Variants in FBXL17 observed in about 807,000 individuals in gnomAD.
The protein encoded by FBXL17 is F-box and leucine rich repeat protein 17.
FBXL17 carries 22 observed loss-of-function variants against 66.2 expected under a neutral mutation model. That is an observed-to-expected ratio of 0.33 (90% confidence interval 0.24 to 0.47). FBXL17 has a LOEUF of 0.47. Ranked by LOEUF, FBXL17 falls within the 20% of genes least tolerant of loss-of-function variation. The probability of loss-of-function intolerance (pLI) is 1.00; values close to 1 mark genes in which losing one functional copy is unlikely to be tolerated. For synonymous variants in FBXL17, 474 were observed against 400.5 expected, an observed-to-expected ratio of 1.18 and a Z score of -2.19; for missense variants, 878 against 948.2, an observed-to-expected ratio of 0.93 and a Z score of 0.97.
At chr5:108,128,379 T>C (rs1750802443) in intron 6 of FBXL17, among the ~76,000 whole-genome samples, 1 of 152,206 alleles carries the variant, frequency 6.6e-6, no homozygotes, top group Non-Finnish European at 1.5e-5. Flanking sequence ...GAGGTATCAT[T>C]TTCTCTAATA....
chr5:108,066,034 T>G (rs540264213), intron 6 of FBXL17, among the ~76,000 whole-genome samples: 40 of 152,046 alleles, frequency 2.6e-4, no homozygotes, highest in Non-Finnish European at 4.6e-4. Flanking sequence ...ATGGAAGGGA[T>G]TTTCATGGAC....
intron 6 of FBXL17, among the ~76,000 whole-genome samples, chr5:108,124,264 C>T (rs1750612090): frequency 6.6e-6 from 1 of 151,706 alleles, no homozygotes; most frequent in Non-Finnish European, 1.5e-5. Context: ...TTAAGCATGG[C>T]AATTTCATAA....
intron 7 of FBXL17, among the ~76,000 whole-genome samples, chr5:107,942,939 CA>C (rs1311427011): frequency 6.6e-6 from 1 of 151,946 alleles, no homozygotes; most frequent in Non-Finnish European, 1.5e-5. Context: ...TTTCCTTTTC[CA>C]AATACAATGG....
chr5:108,225,589 C>A (rs1333356949), intron 4 of FBXL17, among the ~76,000 whole-genome samples: 2 of 152,172 alleles, frequency 1.3e-5, no homozygotes, highest in Non-Finnish European at 2.9e-5. Context: ...AGGCCTGGAA[C>A]AGATCCTTTC....
chr5:108,207,385 T>G (rs1291551629), intron 5 of FBXL17, among the ~76,000 whole-genome samples: 1 of 152,086 alleles, frequency 6.6e-6, no homozygotes, highest in East Asian at 1.9e-4. Flanking sequence ...AACGTGCAGT[T>G]TTGTTACATA....
intron 6 of FBXL17, among the ~76,000 whole-genome samples, chr5:108,083,874 A>G (rs951456865): frequency 6.6e-6 from 1 of 152,160 alleles, no homozygotes; most frequent in Admixed American, 6.5e-5. Context: ...AATCCTTACT[A>G]TGTCTCCACA....
intron 6 of FBXL17, among the ~76,000 whole-genome samples, chr5:108,126,483 A>T (rs1347526678): frequency 6.6e-6 from 1 of 151,998 alleles, no homozygotes; most frequent in African/African-American, 2.4e-5. Context: ...ACATGATTTT[A>T]TTAACATTCT....
chr5:108,037,279 T>G (rs2112796015), intron 6 of FBXL17, among the ~76,000 whole-genome samples: 1 of 152,302 alleles, frequency 6.6e-6, no homozygotes, highest in Non-Finnish European at 1.5e-5. Flanking sequence ...ATTTTACACT[T>G]CTTGATATTG....
At chr5:108,281,938 T>C (rs73214564) in intron 4 of FBXL17, among the ~76,000 whole-genome samples, 3,469 of 151,730 alleles carry the variant, frequency 0.023, 134 homozygotes, top group African/African-American at 0.079. Context: ...TGGAAACATA[T>C]AGCCTCCCAA....
intron 7 of FBXL17, among the ~76,000 whole-genome samples, chr5:107,964,594 C>A (rs533204695): frequency 4.3e-4 from 65 of 152,112 alleles, no homozygotes; most frequent in African/African-American, 1.6e-3. Context: ...TAAATTTTGT[C>A]CCATTATCAT....
chr5:108,252,327 A>C (rs1756393231), intron 4 of FBXL17, among the ~76,000 whole-genome samples: 1 of 152,146 alleles, frequency 6.6e-6, no homozygotes, highest in Admixed American at 6.5e-5. Flanking sequence ...ATTCAGAGCA[A>C]TTAAGCTGCA....
At chr5:108,316,732 T>C (rs1323468657) in intron 4 of FBXL17, among the ~76,000 whole-genome samples, 1 of 151,078 alleles carries the variant, frequency 6.6e-6, no homozygotes, top group Non-Finnish European at 1.5e-5. Flanking sequence ...AATAAGCAAG[T>C]CATGAACCAG....
intron 4 of FBXL17, among the ~76,000 whole-genome samples, chr5:108,331,220 T>A (rs1760108257): frequency 6.6e-6 from 1 of 152,214 alleles, no homozygotes; most frequent in African/African-American, 2.4e-5. Flanking sequence ...CCATTCTAAG[T>A]ACCGACTATT....
chr5:108,213,877 T>C (rs145147817), intron 5 of FBXL17, among the ~76,000 whole-genome samples: 243 of 152,374 alleles, frequency 1.6e-3, no homozygotes, highest in African/African-American at 5.6e-3. Flanking sequence ...ATTTTCTTAC[T>C]TAGTTTTGAC....
intron 7 of FBXL17, among the ~76,000 whole-genome samples, chr5:107,971,138 C>T (rs760782889): frequency 3.9e-5 from 6 of 152,052 alleles, no homozygotes; most frequent in Admixed American, 6.6e-5. Context: ...ATTTGCTTAC[C>T]GTTTCTTTCT....
intron 5 of FBXL17, among the ~76,000 whole-genome samples, chr5:108,187,510 G>A (rs1753285756): frequency 6.6e-6 from 1 of 152,178 alleles, no homozygotes; most frequent in African/African-American, 2.4e-5. Context: ...GAGAAAGCCA[G>A]AGAGATGAAA....
chr5:107,913,031 A>G (rs1450038049), intron 7 of FBXL17, among the ~76,000 whole-genome samples: 2 of 152,194 alleles, frequency 1.3e-5, no homozygotes, highest in Non-Finnish European at 2.9e-5. Flanking sequence ...ACATAAGATT[A>G]TAAGTGCTTT....
At chr5:108,194,616 C>A (rs1167907449) in intron 5 of FBXL17, among the ~76,000 whole-genome samples, 1 of 152,178 alleles carries the variant, frequency 6.6e-6, no homozygotes, top group African/African-American at 2.4e-5. Flanking sequence ...GACTGTGCTG[C>A]TCAGGATCAA....
chr5:108,247,680 T>C (rs1208647797), intron 4 of FBXL17, among the ~76,000 whole-genome samples: 3 of 152,204 alleles, frequency 2.0e-5, no homozygotes, highest in African/African-American at 7.2e-5. Flanking sequence ...TTTTAAAGTT[T>C]TGAGGATATT....
Sources: gnomAD v4.1 joint callset for allele counts (sites outside exome capture counted in the v4.1 genomes callset) on GRCh38, gnomAD v4.1.1 for gene constraint, MANE v1.5 for transcripts, NCBI Gene and HGNC (gene_info 2026-07-23, HGNC 2026-07-21) for gene names.